The following TASP1 variants were observed in gnomAD, a reference collection of about 807,000 sequenced individuals.
TASP1 encodes the protein threonine aspartase 1.
Under a neutral mutation model 56.6 loss-of-function variants are expected in TASP1, and 16 were observed. The observed-to-expected ratio is 0.28, with a 90% CI of 0.19 to 0.43. The LOEUF is 0.43. TASP1 is among the 20% of genes least tolerant of loss of function. The probability of loss-of-function intolerance (pLI) is 1.00; values close to 1 mark genes in which losing one functional copy is unlikely to be tolerated. For missense variants in TASP1, 393 were observed against 511.6 expected (o/e 0.77, Z 2.24); for synonymous variants, 179 against 184.2 (o/e 0.97, Z 0.23).
chr20:13,318,807 T>G, the TASP1 span, among the ~76,000 whole-genome samples: 1 of 152,156 alleles, frequency 6.6e-6, no homozygotes, highest in African/African-American at 2.4e-5. Flanking sequence ...TCCAACTACA[T>G]AGCCTTCTAG....
At chr20:13,138,952 A>G in the TASP1 span, among the ~76,000 whole-genome samples, 882 of 152,262 alleles carry the variant, frequency 5.8e-3, 8 homozygotes, top group African/African-American at 0.02. Context: ...ACAATCTGAA[A>G]CTCAAAAGTG....
At chr20:13,443,896 C>A (rs2043306020) in intron 11 of TASP1, among the ~76,000 whole-genome samples, 1 of 152,102 alleles carries the variant, frequency 6.6e-6, no homozygotes, top group Non-Finnish European at 1.5e-5. Flanking sequence ...CAACTGGAAC[C>A]ACAAGGCCAG....
intron 10 of TASP1, among the ~76,000 whole-genome samples, chr20:13,496,331 A>G (rs1438586694): frequency 6.6e-6 from 1 of 152,208 alleles, no homozygotes; most frequent in Non-Finnish European, 1.5e-5. Context: ...CTGGGATTAC[A>G]GGAGTGAGCC....
the TASP1 span, among the ~76,000 whole-genome samples, chr20:13,290,734 T>A: frequency 6.6e-6 from 1 of 152,126 alleles, no homozygotes; most frequent in Non-Finnish European, 1.5e-5. Context: ...TGAAGAAGAT[T>A]TTTTGAGTAC....
At chr20:13,167,106 G>C in the TASP1 span, 1 of 152,186 alleles carries the variant, frequency 6.6e-6, no homozygotes, top group East Asian at 1.9e-4. Flanking sequence ...CAGTGCATTA[G>C]AAGGTGCCCA....
intron 10 of TASP1, among the ~76,000 whole-genome samples, chr20:13,506,145 A>G (rs2044123364): frequency 6.6e-6 from 1 of 152,190 alleles, no homozygotes; most frequent in African/African-American, 2.4e-5. Flanking sequence ...TAGATAACCT[A>G]GTAGAAATGC....
chr20:13,354,992 T>C, the TASP1 span, among the ~76,000 whole-genome samples: 1 of 152,102 alleles, frequency 6.6e-6, no homozygotes, highest in Non-Finnish European at 1.5e-5. Context: ...ATAAACCATG[T>C]TTATCAATCA....
chr20:13,533,622 T>TA (rs1021652783), intron 9 of TASP1, among the ~76,000 whole-genome samples: 2 of 151,954 alleles, frequency 1.3e-5, no homozygotes, highest in Non-Finnish European at 2.9e-5. Context: ...ACAGAGGAAA[T>TA]AAAAAATGTA....
At chr20:13,422,914 T>A (rs2042494660) in intron 12 of TASP1, among the ~76,000 whole-genome samples, 1 of 152,186 alleles carries the variant, frequency 6.6e-6, no homozygotes, top group South Asian at 2.1e-4. Context: ...TACAAATAAA[T>A]GTTAGCAAGT....
At chr20:13,358,325 G>A in the TASP1 span, among the ~76,000 whole-genome samples, 7 of 152,308 alleles carry the variant, frequency 4.6e-5, no homozygotes, top group South Asian at 2.1e-4. Context: ...ACACGGACGC[G>A]CATGAAATTT....
At chr20:13,148,127 G>A in the TASP1 span, among the ~76,000 whole-genome samples, 20 of 152,308 alleles carry the variant, frequency 1.3e-4, no homozygotes, top group East Asian at 3.7e-3. Flanking sequence ...TTCCTTCTGG[G>A]CCTCTGGGAG....
intron 10 of TASP1, among the ~76,000 whole-genome samples, chr20:13,522,543 G>A (rs2044804443): frequency 6.6e-6 from 1 of 152,190 alleles, no homozygotes; most frequent in Non-Finnish European, 1.5e-5. Context: ...ATTGACACTT[G>A]CTGTGGGGAA....
chr20:13,121,288 AGG>A, the TASP1 span, among the ~76,000 whole-genome samples: 1 of 152,302 alleles, frequency 6.6e-6, no homozygotes, highest in Admixed American at 6.5e-5. Flanking sequence ...GAACTGGGAC[AGG>A]GCAGACAAAT....
chr20:13,524,183 G>A (rs1259430512), intron 10 of TASP1, among the ~76,000 whole-genome samples: 1 of 151,822 alleles, frequency 6.6e-6, no homozygotes, highest in African/African-American at 2.4e-5. Context: ...AAAAAGAACT[G>A]TATAGACAAG....
intron 13 of TASP1, among the ~76,000 whole-genome samples, chr20:13,407,107 A>G (rs914174553): frequency 2.0e-5 from 3 of 152,242 alleles, no homozygotes; most frequent in African/African-American, 7.2e-5. Flanking sequence ...TATAATTCAT[A>G]TATCAGAAAA....
chr20:13,221,270 TCTC>T, the TASP1 span, among the ~76,000 whole-genome samples: 3 of 78,574 alleles, frequency 3.8e-5, no homozygotes, highest in Admixed American at 1.3e-4. Context: ...TCCTTCTCCT[TCTC>T]CTCCTCCTCC....
chr20:13,281,457 C>T, the TASP1 span, among the ~76,000 whole-genome samples: 3 of 152,208 alleles, frequency 2.0e-5, no homozygotes, highest in Non-Finnish European at 4.4e-5. Flanking sequence ...AGTCCCTGTT[C>T]ATGGCGTTTC....
chr20:13,621,308 G>T (rs1465132924), intron 4 of TASP1, among the ~76,000 whole-genome samples: 1 of 152,048 alleles, frequency 6.6e-6, no homozygotes, highest in South Asian at 2.1e-4. Context: ...GTGCATGCCT[G>T]TAGTCCCAGC....
rs148432384 is a variant in TASP1 at position 13,441,105 on chromosome 20, T to C, written c.986-5951A>G. Among the ~76,000 whole-genome samples, 418 of 152,224 alleles carry C rather than the reference T, an allele frequency of 2.7e-3. 1 individual carries two copies. The highest frequency in any genetic ancestry group is 9.4e-3 in the African/African-American group (390 of 41,534). On this transcript the variant is annotated intron_variant, in intron 11 of 13. Coordinates refer to ENST00000337743, the MANE Select transcript of TASP1 (RefSeq NM_017714.3). ...AGTCAACACTTCAAACCATGTCAAA[T>C]CTGTTAGTTCTCCCTATTACCTCAT...
Sources: allele counts gnomAD v4.1 joint callset (sites outside exome capture counted in the v4.1 genomes callset), GRCh38; gene constraint gnomAD v4.1.1; transcripts MANE v1.5; gene names NCBI Gene and HGNC (gene_info 2026-07-23, HGNC 2026-07-21).